MYO9A: variants seen among roughly 807,000 people sequenced by gnomAD.
MYO9A encodes unconventional myosin-IXa.
A neutral mutation model predicts 293.3 loss-of-function variants in MYO9A; 103 were observed. That is an observed-to-expected ratio of 0.35 (90% CI 0.30 to 0.41). The LOEUF (loss-of-function observed/expected upper bound fraction) is 0.41. Ranked by LOEUF, MYO9A falls within the 10% of genes least tolerant of loss-of-function variation. The pLI is 1.00. For synonymous variants in MYO9A, 1,001 were observed against 1,035.7 expected, an observed-to-expected ratio of 0.97 and a Z score of 0.64; for missense variants, 2,685 against 3,033.0, an observed-to-expected ratio of 0.89 and a Z score of 2.69.
At chr15:72,012,545 G>A (rs898238124) in intron 6 of MYO9A, among the ~76,000 whole-genome samples, 47 of 151,946 alleles carry the variant, frequency 3.1e-4, no homozygotes, top group African/African-American at 1.0e-3. Flanking sequence ...TGATCCACCC[G>A]CCTCAGCCTC....
chr15:71,887,925 A>T (rs1295015612), intron 27 of MYO9A, 79 bp downstream of exon 27: 3 of 788,396 alleles, frequency 3.8e-6, no homozygotes, highest in African/African-American at 1.8e-5. Flanking sequence ...TGGTTTTTTT[A>T]AAAAAGCTCA....
chr15:71,853,690 G>A (rs1296464339), intron 35 of MYO9A, among the ~76,000 whole-genome samples: 1 of 152,220 alleles, frequency 6.6e-6, no homozygotes, highest in East Asian at 1.9e-4. Flanking sequence ...TGTAGAAGTT[G>A]AGAATGAAAC....
intron 32 of MYO9A, among the ~76,000 whole-genome samples, chr15:71,863,106 T>A (rs559926716): frequency 5.3e-5 from 8 of 151,414 alleles, no homozygotes; most frequent in South Asian, 2.1e-4. Context: ...TTGTATATAT[T>A]TTTTTTTACT....
chr15:72,050,593 C>CA (rs1452299842), intron 1 of MYO9A, among the ~76,000 whole-genome samples: 2 of 151,990 alleles, frequency 1.3e-5, no homozygotes, highest in African/African-American at 4.8e-5. Flanking sequence ...GGTGACAGAG[C>CA]AAGACTCCGT....
At chr15:71,860,803 C>T (rs966402285) in intron 33 of MYO9A, among the ~76,000 whole-genome samples, 3 of 151,594 alleles carry the variant, frequency 2.0e-5, no homozygotes, top group Non-Finnish European at 4.4e-5. Flanking sequence ...CCTGTCTCTA[C>T]TAAATATACA....
intron 1 of MYO9A, among the ~76,000 whole-genome samples, chr15:72,060,675 C>G (rs1260086433): frequency 1.3e-5 from 2 of 152,180 alleles, no homozygotes; most frequent in Non-Finnish European, 2.9e-5. Flanking sequence ...TTGTCCATCC[C>G]AGTGGTTGGA....
intron 39 of MYO9A, among the ~76,000 whole-genome samples, chr15:71,841,894 C>A (rs900784007): frequency 6.6e-6 from 1 of 151,564 alleles, no homozygotes; most frequent in African/African-American, 2.4e-5. Context: ...GATCCACATG[C>A]CTTGGTCTCC....
intron 36 of MYO9A, 60 bp from the exon 37 acceptor site, chr15:71,851,418 C>T: frequency 7.6e-7 from 1 of 1,315,772 alleles, no homozygotes; most frequent in Non-Finnish European, 1.1e-6. Context: ...GTGTATCTTC[C>T]TCCCAGACAC....
At chr15:72,031,648 G>A (rs2077875596) in intron 3 of MYO9A, among the ~76,000 whole-genome samples, 1 of 151,918 alleles carries the variant, frequency 6.6e-6, no homozygotes, top group Admixed American at 6.6e-5. Flanking sequence ...TGGTGGTAGG[G>A]GGAGTTTAAA....
intron 1 of MYO9A, among the ~76,000 whole-genome samples, chr15:72,090,689 T>A (rs1465790376): frequency 1.3e-5 from 2 of 152,192 alleles, no homozygotes; most frequent in Non-Finnish European, 2.9e-5. Context: ...AAAATAAACA[T>A]GGGCTTTGTA....
At chr15:72,035,027 T>A (rs2077999507) in intron 2 of MYO9A, among the ~76,000 whole-genome samples, 1 of 152,178 alleles carries the variant, frequency 6.6e-6, no homozygotes, top group African/African-American at 2.4e-5. Flanking sequence ...CATCACCAAC[T>A]ATTACAGAAA....
At chr15:72,116,732 G>C (rs1447003336) in intron 1 of MYO9A, 5 of 152,206 alleles carry the variant, frequency 3.3e-5, no homozygotes, top group Non-Finnish European at 4.4e-5. Context: ...AGACGACATA[G>C]TTATATCCAC....
intron 33 of MYO9A, among the ~76,000 whole-genome samples, chr15:71,861,472 ATAT>A (rs987577733): frequency 6.8e-6 from 1 of 147,776 alleles, no homozygotes; most frequent in Non-Finnish European, 1.5e-5. Flanking sequence ...AATAATATAT[ATAT>A]TATATTTATA....
At chr15:71,858,230 C>T (rs578076402) in intron 34 of MYO9A, among the ~76,000 whole-genome samples, 78 of 152,214 alleles carry the variant, frequency 5.1e-4, no homozygotes, top group African/African-American at 1.8e-3. Flanking sequence ...CTAGAAATAC[C>T]ATTTGACCCA....
chr15:71,873,171 A>G (rs1409637906), intron 32 of MYO9A, among the ~76,000 whole-genome samples: 1 of 151,928 alleles, frequency 6.6e-6, no homozygotes, highest in African/African-American at 2.4e-5. Context: ...CACCTGCCTC[A>G]GCCTCCCAAA....
In MYO9A at chr15:72,028,218, A is replaced by AATATATATATATATATATAT. The variant is rs33914430; in HGVS notation, c.936-445_936-426dup. ...TCTCAAAAAAATAAATAAATAAATA[A>AATATATATATATATATATAT]ATATATATATATATATATATAAATA... is the stretch of plus-strand genomic sequence containing the variant. On this transcript the variant is annotated intron_variant, in intron 3 of 41. Transcript: ENST00000356056. Among the ~76,000 whole-genome samples, 7 of 134,218 alleles carry AATATATATATATATATATAT rather than the reference A, an allele frequency of 5.2e-5. No individual in the cohort carries two copies. The South Asian group carries it at 7.1e-4, about 14-fold the overall frequency. The allele number at this position is 134,218 out of a possible 152,430, so 88.1% of individuals were successfully genotyped here. A position where few individuals can be genotyped will look rare whatever the true frequency, so the allele number is the denominator to read the frequency against.
intron 19 of MYO9A, among the ~76,000 whole-genome samples, chr15:71,912,082 T>C (rs1398827681): frequency 6.6e-6 from 1 of 152,178 alleles, no homozygotes; most frequent in African/African-American, 2.4e-5. Flanking sequence ...TTTATCACAG[T>C]CTACCTTCAA....
chr15:72,022,028 A>G (rs1022288867), intron 4 of MYO9A, among the ~76,000 whole-genome samples: 7 of 152,202 alleles, frequency 4.6e-5, no homozygotes, highest in Non-Finnish European at 7.3e-5. Flanking sequence ...ATTTAAATAA[A>G]TATCTGTCCA....
At chr15:71,893,063 C>A (rs888975425) in intron 26 of MYO9A, 2 of 1,289,944 alleles carry the variant, frequency 1.6e-6, no homozygotes, top group Non-Finnish European at 2.0e-6. Flanking sequence ...TCAATAATGT[C>A]ATCGTAATCA....
Sources: allele counts gnomAD v4.1 joint callset (sites outside exome capture counted in the v4.1 genomes callset), GRCh38; gene constraint gnomAD v4.1.1; transcripts MANE v1.5; gene names NCBI Gene and HGNC (gene_info 2026-07-23, HGNC 2026-07-21).